BCAS4: variants seen among roughly 807,000 people sequenced by gnomAD.
BCAS4 encodes breast carcinoma amplified sequence 4.
Under a neutral mutation model 15.7 loss-of-function variants are expected in BCAS4, and 9 were observed. The ratio of observed to expected loss-of-function variants is 0.57; its 90% CI spans 0.34 to 1.00. BCAS4 has a LOEUF of 1.00. Among genes scored for constraint, BCAS4 ranks in the 50% least tolerant of loss-of-function variants. The probability of loss-of-function intolerance (pLI) is 0.02; values close to 1 mark genes in which losing one functional copy is unlikely to be tolerated. For missense variants in BCAS4, 225 were observed against 239.1 expected, an observed-to-expected ratio of 0.94 and a Z score of 0.39; for synonymous variants, 101 against 99.5, an observed-to-expected ratio of 1.02 and a Z score of -0.09.
intron 4 of BCAS4, among the ~76,000 whole-genome samples, chr20:50,866,703 TCACCCC>T (rs1979375509): frequency 6.6e-6 from 1 of 152,116 alleles, no homozygotes; most frequent in Non-Finnish European, 1.5e-5. Context: ...GACTGAGAGC[TCACCCC>T]CAGCCCCACA....
chr20:50,795,039 G>T, upstream of BCAS4: 10 of 1,439,682 alleles, frequency 6.9e-6, no homozygotes, highest in Non-Finnish European at 8.2e-6. Flanking sequence ...GCGCAACCAC[G>T]GGCTCCCAGG....
chr20:50,867,070 T>C (rs990603440), intron 4 of BCAS4, among the ~76,000 whole-genome samples: 2 of 152,194 alleles, frequency 1.3e-5, no homozygotes, highest in African/African-American at 4.8e-5. Context: ...TAGAGCGAAG[T>C]TGCTATGATA....
intron 1 of BCAS4, among the ~76,000 whole-genome samples, chr20:50,814,011 C>T (rs113981953): frequency 7.2e-5 from 11 of 152,270 alleles, no homozygotes; most frequent in African/African-American, 2.6e-4. Context: ...GGGCTGCAGC[C>T]TGCGGGACTC....
intron 4 of BCAS4, among the ~76,000 whole-genome samples, chr20:50,847,812 G>A (rs1490805663): frequency 6.6e-6 from 1 of 152,176 alleles, no homozygotes; most frequent in East Asian, 1.9e-4. Flanking sequence ...GGAGGCCTAG[G>A]TGGGTGGGTC....
At chr20:50,824,483 C>T (rs2088253363) in intron 2 of BCAS4, among the ~76,000 whole-genome samples, 1 of 152,162 alleles carries the variant, frequency 6.6e-6, no homozygotes, top group Non-Finnish European at 1.5e-5. Context: ...GGCTAGCACA[C>T]CTGGTTGGGT....
chr20:50,806,302 G>A (rs375917763), intron 1 of BCAS4, among the ~76,000 whole-genome samples: 2 of 152,212 alleles, frequency 1.3e-5, no homozygotes, highest in African/African-American at 2.4e-5. Flanking sequence ...GGACTAAGGC[G>A]CCGCCCAGGC....
chr20:50,810,622 G>A (rs1386384753), intron 1 of BCAS4, among the ~76,000 whole-genome samples: 2 of 143,790 alleles, frequency 1.4e-5, no homozygotes, highest in East Asian at 2.0e-4. Flanking sequence ...GAGTCGTCTC[G>A]CTCTGTCGCC....
chr20:50,805,359 C>T (rs1269467221), intron 1 of BCAS4, among the ~76,000 whole-genome samples: 1 of 152,204 alleles, frequency 6.6e-6, no homozygotes, highest in Non-Finnish European at 1.5e-5. Context: ...TTGAAGGCCA[C>T]ATTCAGCCCA....
At chr20:50,850,002 G>A (rs958561233) in intron 4 of BCAS4, among the ~76,000 whole-genome samples, 5 of 152,112 alleles carry the variant, frequency 3.3e-5, no homozygotes, top group African/African-American at 9.7e-5. Flanking sequence ...GTTGTACCAT[G>A]GGCTGCAGCC....
At chr20:50,872,753 A>C (rs925211225) in intron 4 of BCAS4, among the ~76,000 whole-genome samples, 2 of 152,156 alleles carry the variant, frequency 1.3e-5, no homozygotes, top group African/African-American at 4.8e-5. Flanking sequence ...GGCTGACTTC[A>C]GCCCAGTTCT....
intron 4 of BCAS4, among the ~76,000 whole-genome samples, chr20:50,871,528 TTA>T (rs1979644320): frequency 6.6e-6 from 1 of 152,214 alleles, no homozygotes; most frequent in Non-Finnish European, 1.5e-5. Context: ...GGCAGGACTC[TTA>T]GTTACAAGCA....
intron 2 of BCAS4, among the ~76,000 whole-genome samples, chr20:50,824,335 T>C (rs1020129138): frequency 6.6e-6 from 1 of 152,230 alleles, no homozygotes; most frequent in Non-Finnish European, 1.5e-5. Context: ...TTGGCTCTCC[T>C]TCCTAGGGGC....
chr20:50,839,316 A>G (rs1009328240), intron 3 of BCAS4, among the ~76,000 whole-genome samples: 36 of 152,384 alleles, frequency 2.4e-4, no homozygotes, highest in African/African-American at 8.7e-4. Context: ...GACAGACACC[A>G]GAGGTCACAA....
chr20:50,830,009 TTA>T (rs1227762402), intron 2 of BCAS4, among the ~76,000 whole-genome samples: 5 of 152,214 alleles, frequency 3.3e-5, no homozygotes. Context: ...ATGAAGATAT[TTA>T]GTTTGGGACT....
In BCAS4 at chr20:50,830,285, A is replaced by G. The variant is rs1167412151; in HGVS notation, c.169A>G (p.Ser57Gly). ...GCTGTTTTGTTCCTTGCAGATCAGG[A>G]GTGATACTTCACAGATCCTGGAGGA... is the stretch of plus-strand genomic sequence containing the variant. ...EFCSLADLIR[S>G]DTSQILEENI... Residue 57 changes from serine to glycine, a missense_variant, in exon 3 of 5, where the codon AGT (serine) becomes GGT (glycine). Coordinates refer to ENST00000371608, the MANE Select transcript of BCAS4 (RefSeq NM_198799.4). The G allele has an allele frequency of 2.5e-6, 4 of 1,613,396 alleles. No individual in the cohort carries two copies. The South Asian group carries it at 4.4e-5, about 18-fold the overall frequency.
intron 4 of BCAS4, among the ~76,000 whole-genome samples, chr20:50,858,718 T>G: frequency 6.7e-6 from 1 of 148,926 alleles, no homozygotes; most frequent in Non-Finnish European, 1.5e-5. Flanking sequence ...TTTTTTTTTT[T>G]TCTTGAATTT....
At chr20:50,832,804 C>T (rs969361430) in intron 3 of BCAS4, 4 of 152,354 alleles carry the variant, frequency 2.6e-5, no homozygotes, top group East Asian at 1.9e-4. Flanking sequence ...TGCTGGCCCT[C>T]CTGCCTCCCT....
intron 2 of BCAS4, among the ~76,000 whole-genome samples, chr20:50,829,401 C>A (rs978085833): frequency 3.9e-5 from 6 of 152,082 alleles, no homozygotes; most frequent in Non-Finnish European, 8.8e-5. Context: ...TGCTACCACA[C>A]CCAGCTAATG....
chr20:50,835,629 C>G (rs901238716), intron 3 of BCAS4, among the ~76,000 whole-genome samples: 2 of 152,062 alleles, frequency 1.3e-5, no homozygotes, highest in South Asian at 2.1e-4. Flanking sequence ...AAGACCAACC[C>G]CAAGCTCTCC....
Sources: gnomAD v4.1 joint callset for allele counts (sites outside exome capture counted in the v4.1 genomes callset) on GRCh38, gnomAD v4.1.1 for gene constraint, MANE v1.5 for transcripts, NCBI Gene and HGNC (gene_info 2026-07-23, HGNC 2026-07-21) for gene names.